ABR: variants seen among roughly 807,000 people sequenced by gnomAD.
ABR encodes ABR activator of RhoGEF and GTPase, also known as active breakpoint cluster region-related protein.
A neutral mutation model predicts 107.2 loss-of-function variants in ABR; 35 were observed. That is an observed-to-expected ratio of 0.33 (90% confidence interval 0.25 to 0.43). The LOEUF (loss-of-function observed/expected upper bound fraction) is 0.43, where lower values mean the gene tolerates loss of function less well. Among genes scored for constraint, ABR ranks in the 20% least tolerant of loss-of-function variants. The pLI is 1.00. For missense variants in ABR, 815 were observed against 1,115.2 expected, an observed-to-expected ratio of 0.73 and a Z score of 3.83; for synonymous variants, 498 against 462.0, an observed-to-expected ratio of 1.08 and a Z score of -1.00.
Position 1,078,695 on chromosome 17 carries a change from C to T in ABR, c.700+635G>A, listed in dbSNP as rs2035941640. On this transcript the variant is annotated intron_variant, in intron 6 of 22. Transcript: ENST00000302538. This position sits in a 1 kb window ranked among gnomAD's most constrained non-coding sequence, Gnocchi z 7.5. ...AACGAAGGGGGAATTCAGGTCCAGC[C>T]GCTCGCCCACCCTCCTTCCCTGCGG... The T allele has an allele frequency of 1.0e-5, 11 of 1,076,166 alleles. No individual in the cohort carries two copies. Among genetic ancestry groups the T allele is most frequent in the African/African-American group, 1.6e-5 (1 of 63,000 alleles). 66.7% of individuals were successfully genotyped at this position (1,076,166 alleles called of 1,614,324 possible).
intron 1 of ABR, among the ~76,000 whole-genome samples, chr17:1,159,721 G>A (rs1372235229): frequency 4.0e-5 from 6 of 150,010 alleles, no homozygotes; most frequent in African/African-American, 1.2e-4. Flanking sequence ...CACGCACAAG[G>A]GAAGTATGCG....
chr17:1,126,004 G>C (rs1000075144), intron 1 of ABR, among the ~76,000 whole-genome samples: 5 of 152,160 alleles, frequency 3.3e-5, no homozygotes, highest in African/African-American at 1.2e-4. Flanking sequence ...CGGAGCCGGT[G>C]CTTATTTCTA....
At chr17:1,013,227 G>T (rs534908325) in intron 16 of ABR, 63 bp from the exon 17 acceptor site, 2 of 1,504,292 alleles carry the variant, frequency 1.3e-6, no homozygotes, top group Non-Finnish European at 9.3e-7. Context: ...AGATCTCCCC[G>T]TGGGTCAGCA....
At chr17:1,120,227 G>T (rs1051263341) in intron 2 of ABR, among the ~76,000 whole-genome samples, 1 of 151,688 alleles carries the variant, frequency 6.6e-6, no homozygotes, top group Non-Finnish European at 1.5e-5. Flanking sequence ...GGGAGGAGGA[G>T]GAAGAGGATG....
At chr17:1,089,429 C>T (rs1382483273) in intron 4 of ABR, among the ~76,000 whole-genome samples, 1 of 152,200 alleles carries the variant, frequency 6.6e-6, no homozygotes, top group Non-Finnish European at 1.5e-5. Context: ...TGATTCAGAG[C>T]GGTTGGGTAA....
chr17:1,145,246 C>T (rs1017124684), intron 1 of ABR, among the ~76,000 whole-genome samples: 1 of 152,162 alleles, frequency 6.6e-6, no homozygotes, highest in African/African-American at 2.4e-5. Flanking sequence ...TAATCCTCCT[C>T]ATCTCTTCCC....
chr17:1,044,198 G>GA (rs1337295481), intron 16 of ABR, among the ~76,000 whole-genome samples: 2 of 101,968 alleles, frequency 2.0e-5, no homozygotes, highest in Non-Finnish European at 4.5e-5. Flanking sequence ...AGAGCCGGTG[G>GA]AGGGGGGGCT....
chr17:1,060,971 G>T (rs115091150), intron 10 of ABR, among the ~76,000 whole-genome samples: 1 of 151,950 alleles, frequency 6.6e-6, no homozygotes, highest in Admixed American at 6.6e-5. Flanking sequence ...CAGCCTGGGC[G>T]ACAGTGACAA....
chr17:1,152,771 A>T (rs2040851349), intron 1 of ABR, among the ~76,000 whole-genome samples: 1 of 151,986 alleles, frequency 6.6e-6, no homozygotes, highest in Non-Finnish European at 1.5e-5. Context: ...TAGCAAGATG[A>T]TGAGCTTTGT....
rs1262145811 is a variant in ABR at position 1,071,787 on chromosome 17, C to T, written c.894+827G>A. ...AATGAGGCACCCGGAGGCCACTTCC[C>T]CGGCGTGGGCCTCCAGACAGTCCCA... On this transcript the variant is annotated intron_variant, in intron 8 of 22. Transcript: ENST00000302538. This position sits in a 1 kb window ranked among gnomAD's most constrained non-coding sequence, Gnocchi z 5.1. Among the ~76,000 whole-genome samples the T allele has an allele frequency of 6.6e-6, 1 of 152,252 alleles. No individual in the cohort carries two copies. Among genetic ancestry groups the T allele is most frequent in the Non-Finnish European group, 1.5e-5 (1 of 68,040 alleles).
At chr17:1,033,826 T>A (rs571801275) in intron 16 of ABR, among the ~76,000 whole-genome samples, 1 of 151,996 alleles carries the variant, frequency 6.6e-6, no homozygotes, top group South Asian at 2.1e-4. Context: ...GAGGCCTCAG[T>A]CACCCTTCTC....
chr17:1,146,745 T>C (rs911024264), intron 1 of ABR, among the ~76,000 whole-genome samples: 2 of 147,868 alleles, frequency 1.4e-5, no homozygotes, highest in African/African-American at 5.1e-5. Flanking sequence ...ACGACACCAC[T>C]GCCACCACTG....
At chr17:1,123,816 C>T (rs1317232088) in intron 2 of ABR, among the ~76,000 whole-genome samples, 1 of 152,180 alleles carries the variant, frequency 6.6e-6, no homozygotes, top group Non-Finnish European at 1.5e-5. Flanking sequence ...TGCTCTGCCT[C>T]CTTGGGTTAC....
In ABR at chr17:1,022,317, C is replaced by T. The variant is rs539853983; in HGVS notation, c.1792-9153G>A. The stretch of plus-strand genomic sequence containing the variant: ...CAGGCCAGCGGCCACGGTGGCAGCC[C>T]GGGCTGGCTTTCCCCTGCCCTCCCC... On this transcript the variant is annotated intron_variant, in intron 16 of 22. Transcript: ENST00000302538. Among the ~76,000 whole-genome samples the T allele has an allele frequency of 4.1e-4, 63 of 152,226 alleles. No individual in the cohort carries two copies. The South Asian group carries it at 1.0e-2, about 24-fold the overall frequency.
chr17:1,068,972 G>A (rs996698013), intron 9 of ABR, among the ~76,000 whole-genome samples: 2 of 152,240 alleles, frequency 1.3e-5, no homozygotes, highest in East Asian at 1.9e-4. Context: ...AGCAGGAGAC[G>A]TGGTGAATAT....
At chr17:1,121,277 A>T (rs535396357) in intron 2 of ABR, among the ~76,000 whole-genome samples, 140 of 152,368 alleles carry the variant, frequency 9.2e-4, no homozygotes, top group African/African-American at 3.3e-3. Flanking sequence ...ACCCGGCTTC[A>T]CCCGGGGCCA....
chr17:1,044,909 C>T (rs2249849), intron 16 of ABR, among the ~76,000 whole-genome samples: 54,789 of 151,986 alleles, frequency 0.36, 10,444 homozygotes, highest in East Asian at 0.65. Flanking sequence ...TTGCGCTGGC[C>T]GCTCTATACC....
At chr17:1,023,119 A>AGAGCCACTGCCGGCCCCACGTCCACTG (rs1167753663) in intron 16 of ABR, among the ~76,000 whole-genome samples, 3,004 of 98,982 alleles carry the variant, frequency 0.03, 251 homozygotes, top group African/African-American at 0.11. Context: ...CACGTCCACT[A>AGAGCCACTGCCGGCCCCACGTCCACTG]CAGCGCCTCT....
chr17:1,146,450 A>G (rs1003355715), intron 1 of ABR, among the ~76,000 whole-genome samples: 1 of 152,132 alleles, frequency 6.6e-6, no homozygotes. Context: ...AAACGGAATG[A>G]TAGGATTGTT....
Sources: allele counts gnomAD v4.1 joint callset (sites outside exome capture counted in the v4.1 genomes callset), GRCh38; gene constraint gnomAD v4.1.1; non-coding constraint Gnocchi (gnomAD v3.1); transcripts MANE v1.5; gene names NCBI Gene and HGNC (gene_info 2026-07-23, HGNC 2026-07-21).